DPYD: variants seen among roughly 807,000 people sequenced by gnomAD.
DPYD encodes dihydropyrimidine dehydrogenase.
DPYD carries 109 observed loss-of-function variants against 116.2 expected under a neutral mutation model. That is an observed-to-expected ratio of 0.94 (90% CI 0.80 to 1.10). DPYD has a LOEUF of 1.10. Ranked by LOEUF, DPYD falls within the 50% of genes least tolerant of loss-of-function variation. DPYD has a pLI of 0.00. For missense variants in DPYD, 1,302 were observed against 1,254.5 expected, an observed-to-expected ratio of 1.04 and a Z score of -0.57; for synonymous variants, 440 against 432.0, an observed-to-expected ratio of 1.02 and a Z score of -0.23.
chr1:97,236,810 G>C (rs1218695296), intron 18 of DPYD, among the ~76,000 whole-genome samples: 4 of 152,278 alleles, frequency 2.6e-5, no homozygotes, highest in African/African-American at 9.6e-5. Context: ...CACTCTAGTG[G>C]GGAATGTTGA....
At chr1:97,654,350 T>A (rs1658770829) in intron 8 of DPYD, among the ~76,000 whole-genome samples, 1 of 152,190 alleles carries the variant, frequency 6.6e-6, no homozygotes, top group African/African-American at 2.4e-5. Flanking sequence ...ACTATTTTCC[T>A]ATCACTAAAT....
At chr1:97,751,489 T>TATATAC (rs1557933382) in intron 3 of DPYD, among the ~76,000 whole-genome samples, 2 of 132,640 alleles carry the variant, frequency 1.5e-5, no homozygotes, top group Non-Finnish European at 3.2e-5. Flanking sequence ...TATATATATA[T>TATATAC]ATATATGGCA....
At chr1:97,613,844 A>G (rs1005625044) in intron 8 of DPYD, among the ~76,000 whole-genome samples, 3 of 152,034 alleles carry the variant, frequency 2.0e-5, no homozygotes, top group Non-Finnish European at 2.9e-5. Context: ...GAGATCATAA[A>G]AGTAGCAGTT....
At chr1:97,128,722 T>C (rs1386630330) in intron 20 of DPYD, among the ~76,000 whole-genome samples, 1 of 152,210 alleles carries the variant, frequency 6.6e-6, no homozygotes, top group Non-Finnish European at 1.5e-5. Flanking sequence ...GAAGCCCTTC[T>C]ATTTCAACAA....
chr1:97,474,072 T>C lies in DPYD; in HGVS notation c.1741-23849A>G, dbSNP rs533056798. 2.0e-5 allele frequency among the ~76,000 whole-genome samples: 3 copies of C among 150,532 alleles called. No homozygotes were observed. The East Asian group carries it at 5.9e-4, about 29-fold the overall frequency. On this transcript the variant is annotated intron_variant, in intron 13 of 22. Coordinates refer to ENST00000370192, the MANE Select transcript of DPYD (RefSeq NM_000110.4). ...AAAGAAAACACAGTATAAAAGTTTC[T>C]CAAAAAATTAAAAATAGGTTACCGT... is the stretch of plus-strand genomic sequence containing the variant.
intron 16 of DPYD, among the ~76,000 whole-genome samples, chr1:97,372,571 C>A (rs1399707324): frequency 6.6e-6 from 1 of 152,154 alleles, no homozygotes; most frequent in African/African-American, 2.4e-5. Context: ...AAAATGGTTT[C>A]TCCTTAAGTC....
At chr1:97,747,656 T>C (rs1251008090) in intron 3 of DPYD, among the ~76,000 whole-genome samples, 1 of 152,226 alleles carries the variant, frequency 6.6e-6, no homozygotes, top group African/African-American at 2.4e-5. Context: ...GCTATGTATG[T>C]ACATAGCATA....
At chr1:97,863,864 G>A (rs1671242676) in intron 2 of DPYD, among the ~76,000 whole-genome samples, 1 of 151,940 alleles carries the variant, frequency 6.6e-6, no homozygotes. Context: ...AAGCATGAAG[G>A]TGACATTGGA....
chr1:97,423,491 C>A (rs1212103368), intron 14 of DPYD, among the ~76,000 whole-genome samples: 2 of 152,016 alleles, frequency 1.3e-5, no homozygotes, highest in African/African-American at 2.4e-5. Flanking sequence ...GGGGAGAGTG[C>A]AGAATTGGTC....
intron 18 of DPYD, among the ~76,000 whole-genome samples, chr1:97,272,874 G>A (rs767714486): frequency 1.6e-4 from 24 of 152,144 alleles, no homozygotes; most frequent in Middle Eastern, 3.4e-3. Context: ...GTAGGATGTG[G>A]CCTATCACTG....
At chr1:97,832,045 T>TGTGTG (rs1669562760) in intron 2 of DPYD, among the ~76,000 whole-genome samples, 2 of 133,950 alleles carry the variant, frequency 1.5e-5, no homozygotes, top group Admixed American at 7.8e-5. Context: ...ATATAATGTA[T>TGTGTG]TGTGTGTGTG....
intron 3 of DPYD, among the ~76,000 whole-genome samples, chr1:97,748,464 C>T (rs904384941): frequency 2.6e-5 from 4 of 152,030 alleles, no homozygotes; most frequent in Non-Finnish European, 4.4e-5. Context: ...AAAAAATTAG[C>T]CAGGCGTGGT....
chr1:97,884,024 G>A (rs940666760), intron 1 of DPYD, among the ~76,000 whole-genome samples: 2 of 151,702 alleles, frequency 1.3e-5, no homozygotes, highest in Non-Finnish European at 2.9e-5. Flanking sequence ...ATCTAATAAT[G>A]TTATCATTGA....
At chr1:97,235,577 T>C (rs1661862954) in intron 18 of DPYD, among the ~76,000 whole-genome samples, 1 of 151,534 alleles carries the variant, frequency 6.6e-6, no homozygotes, top group Non-Finnish European at 1.5e-5. Context: ...TGAGCCGAGA[T>C]CACACCATTG....
chr1:97,735,549 G>C (rs1026977595), intron 4 of DPYD, among the ~76,000 whole-genome samples: 1 of 150,254 alleles, frequency 6.7e-6, no homozygotes, highest in Non-Finnish European at 1.5e-5. Context: ...TTAGCCGGGC[G>C]TGGTGGCGGG....
At chr1:97,636,369 A>G (rs925215983) in intron 8 of DPYD, among the ~76,000 whole-genome samples, 4 of 152,026 alleles carry the variant, frequency 2.6e-5, no homozygotes, top group Non-Finnish European at 5.9e-5. Context: ...TCTTACTCCT[A>G]GATTACAATC....
intron 3 of DPYD, among the ~76,000 whole-genome samples, chr1:97,807,013 A>G (rs1292891720): frequency 2.0e-5 from 3 of 151,986 alleles, no homozygotes; most frequent in Non-Finnish European, 4.4e-5. Context: ...TTAACTCTAA[A>G]TAATATTCCT....
chr1:97,210,779 T>C (rs1659984432), intron 19 of DPYD, among the ~76,000 whole-genome samples: 2 of 152,162 alleles, frequency 1.3e-5, no homozygotes, highest in African/African-American at 4.8e-5. Flanking sequence ...ATACCATTCC[T>C]AGTTTTTCCA....
intron 8 of DPYD, among the ~76,000 whole-genome samples, chr1:97,647,258 A>G (rs961052227): frequency 3.3e-5 from 5 of 152,116 alleles, no homozygotes; most frequent in Admixed American, 2.0e-4. Context: ...AAAAATTTAA[A>G]TACACATATA....
Sources: gnomAD v4.1 joint callset for allele counts (sites outside exome capture counted in the v4.1 genomes callset) on GRCh38, gnomAD v4.1.1 for gene constraint, MANE v1.5 for transcripts, NCBI Gene and HGNC (gene_info 2026-07-23, HGNC 2026-07-21) for gene names.